ZSCAN32: variants seen among roughly 807,000 people sequenced by gnomAD.
ZSCAN32 encodes the protein zinc finger and SCAN domain-containing protein 32.
ZSCAN32 carries 52 observed loss-of-function variants against 47.4 expected under a neutral mutation model. The ratio of observed to expected loss-of-function variants is 1.10; its 90% CI spans 0.88 to 1.38. ZSCAN32 has a LOEUF of 1.38. ZSCAN32 is among the 40% of genes most tolerant of loss of function. ZSCAN32 has a pLI of 0.00. For synonymous variants in ZSCAN32, 346 were observed against 305.7 expected, an observed-to-expected ratio of 1.13 and a Z score of -1.38; for missense variants, 959 against 846.0, an observed-to-expected ratio of 1.13 and a Z score of -1.66.
chr16:3,398,124 G>A (rs746731167), intron 1 of ZSCAN32, among the ~76,000 whole-genome samples: 2 of 152,172 alleles, frequency 1.3e-5, no homozygotes. Flanking sequence ...AGGAGGATGA[G>A]AGGGGCCTGA....
chr16:3,393,223 T>A lies in ZSCAN32; in HGVS notation c.532+426A>T, dbSNP rs1329160081. On this transcript the variant is annotated intron_variant, in intron 3 of 6. Coordinates refer to ENST00000396852, the MANE Select transcript of ZSCAN32 (RefSeq NM_001284527.2). ...ATATTTATATTTATATATATATATA[T>A]ATATAAATTTATATATTTTATATAT... Among the ~76,000 whole-genome samples the A allele has an allele frequency of 7.8e-4, 20 of 25,620 alleles. 8 individuals are homozygous for A. Among genetic ancestry groups the A allele is most frequent in the African/African-American group, 5.6e-3 (16 of 2,848 alleles). 16.8% of individuals were successfully genotyped at this position (25,620 alleles called of 152,430 possible).
chr16:3,393,680 G>C lies in ZSCAN32; in HGVS notation c.501C>G (p.Ser167Arg). Residue 167 changes from serine to arginine, a missense_variant, in exon 3 of 7, where the codon AGC (serine) becomes AGG (arginine). Physicochemically the swap from Ser to Arg is moderately radical, Grantham distance 110. Transcript: ENST00000396852. ...ACTGTTCCCCTGGTCTTTGGTGTGA[G>C]CTCTGTGATCCCTTAAAAGTCGGTT... is the stretch of plus-strand genomic sequence containing the variant. Reference protein sequence around the residue: ...PEEPTFKGSQSSHQRPGEQSE... With the variant: ...PEEPTFKGSQRSHQRPGEQSE... 6.5e-7 allele frequency: 1 copy of C among 1,549,350 alleles called. No homozygotes were observed. Among genetic ancestry groups the C allele is most frequent in the Non-Finnish European group, 8.7e-7 (1 of 1,146,660 alleles).
Position 3,393,691 on chromosome 16 carries a change from C to T in ZSCAN32, c.490G>A (p.Gly164Arg). Residue 164 changes from glycine (G) to arginine (R), a missense_variant, in exon 3 of 7, where the codon GGA becomes AGA. By Grantham distance (125) the Gly-to-Arg change is moderately radical (BLOSUM62 -2). Coordinates refer to ENST00000396852, the MANE Select transcript of ZSCAN32 (RefSeq NM_001284527.2). ...GGTCTTTGGTGTGAGCTCTGTGATC[C>T]CTTAAAAGTCGGTTCCTCTGGCTGA... The part of the protein sequence containing the change: ...EVQPEEPTFK[G>R]SQSSHQRPGE... 6.5e-7 allele frequency: 1 copy of T among 1,549,876 alleles called. No individual in the cohort carries two copies. The highest frequency in any genetic ancestry group is 8.7e-7 in the Non-Finnish European group (1 of 1,146,808).
chr16:3,395,074 C>T lies in ZSCAN32; in HGVS notation c.367-1260G>A, dbSNP rs141692901. Among the ~76,000 whole-genome samples the T allele has an allele frequency of 8.5e-4, 130 of 152,330 alleles. 2 individuals are homozygous for T. In the East Asian group the frequency reaches 0.025, roughly 29 times the overall value. On this transcript the variant is annotated intron_variant, in intron 2 of 6. Transcript: ENST00000396852. ...CCGCGGGCTCCAGCAGGCCAGGGGC[C>T]GTGCCTGTCCTGTTCACTGTAAAAT...
chr16:3,397,330 G>C lies in ZSCAN32; in HGVS notation c.228C>G (p.Ile76Met). Residue 76 changes from isoleucine (I) to methionine (M), a missense_variant, in exon 2 of 7, where the codon ATC becomes ATG. Transcript: ENST00000396852. The part of the protein sequence containing the change: ...LRPKTHSKEE[I>M]LELLVLEQFL... ...ACTGCTCCAAAACCAGCAGCTCCAG[G>C]ATTTCCTCTTTTGAGTGGGTCTTCG... The C allele has an allele frequency of 2.6e-6, 4 of 1,566,530 alleles. No individual in the cohort carries two copies. Among genetic ancestry groups the C allele is most frequent in the East Asian group, 2.4e-5 (1 of 42,490 alleles).
At chr16:3,400,695 C>G (rs1250571284) in intron 1 of ZSCAN32, among the ~76,000 whole-genome samples, 1 of 152,194 alleles carries the variant, frequency 6.6e-6, no homozygotes, top group African/African-American at 2.4e-5. Flanking sequence ...ACGAGATGAG[C>G]AGGGTCAAGG....
intron 2 of ZSCAN32, among the ~76,000 whole-genome samples, chr16:3,394,923 C>T (rs2033223065): frequency 6.6e-6 from 1 of 152,194 alleles, no homozygotes; most frequent in Non-Finnish European, 1.5e-5. Context: ...CAGAGAAGTC[C>T]TGCCTCACAG....
rs751289714 is a variant in ZSCAN32 at position 3,383,637 on chromosome 16, C to A, written c.1309G>T (p.Ala437Ser). The change falls in exon 7 of 7, where the codon GCT becomes TCT. Residue 437 changes from alanine to serine, a missense_variant. By Grantham distance (99) the Ala-to-Ser change is moderately conservative. Coordinates refer to ENST00000396852, the MANE Select transcript of ZSCAN32 (RefSeq NM_001284527.2). The part of the protein sequence containing the change: ...DDSEEVEINK[A>S]LQRKSRGVYW... ...ACTCCTCTGGACTTTCTCTGTAAAG[C>A]CTTGTTTATTTCTACTTCCTCTGAA... The A allele has an allele frequency of 1.2e-5, 20 of 1,612,506 alleles. No individual in the cohort carries two copies. Among genetic ancestry groups the A allele is most frequent in the Non-Finnish European group, 1.7e-5 (20 of 1,179,996 alleles).
At chr16:3,392,706 G>C (rs1363851847) in intron 3 of ZSCAN32, among the ~76,000 whole-genome samples, 1 of 151,878 alleles carries the variant, frequency 6.6e-6, no homozygotes, top group Non-Finnish European at 1.5e-5. Flanking sequence ...GGGTGCTTTA[G>C]TCCCAGCTAC....
Position 3,397,621 on chromosome 16 carries a change from C to A in ZSCAN32, c.-64G>T. On this transcript the variant is annotated 5_prime_UTR_variant, in exon 2 of 7. The change creates a premature stop within an existing upstream ORF in the 5' untranslated region. Transcript: ENST00000396852. ...ACCCTGGAGATCAGAGTCCATCTTT[C>A]CCACATCACTGGGAAGCCATGTTCT... The A allele has an allele frequency of 1.4e-6, 2 of 1,452,288 alleles. No individual in the cohort carries two copies. Among genetic ancestry groups the A allele is most frequent in the Non-Finnish European group, 1.8e-6 (2 of 1,101,058 alleles). 90.0% of individuals were successfully genotyped at this position (1,452,288 alleles called of 1,614,324 possible). A position where few individuals can be genotyped will look rare whatever the true frequency, so the allele number is the denominator to read the frequency against.
chr16:3,397,722 A>C lies in ZSCAN32; in HGVS notation c.-165T>G. On this transcript the variant is annotated 5_prime_UTR_variant, in exon 2 of 7. Coordinates refer to ENST00000396852, the MANE Select transcript of ZSCAN32 (RefSeq NM_001284527.2). ...TGTGTAGAGACTCACAGCGGAAAAA[A>C]AGGGCTCAACTTTGAAGGATGTCTG... is the stretch of plus-strand genomic sequence containing the variant. The C allele has an allele frequency of 1.1e-6, 1 of 875,858 alleles. No homozygotes were observed. The highest frequency in any genetic ancestry group is 1.7e-6 in the Non-Finnish European group (1 of 600,696). The allele number at this position is 875,858 out of a possible 1,614,324, so 54.3% of individuals were successfully genotyped here.
intron 5 of ZSCAN32, among the ~76,000 whole-genome samples, chr16:3,389,193 G>A (rs563596799): frequency 6.6e-6 from 1 of 152,312 alleles, no homozygotes; most frequent in East Asian, 1.9e-4. Context: ...GATGAAGCCA[G>A]GAAACTGGGA....
chr16:3,394,490 C>G (rs1194861250), intron 2 of ZSCAN32, among the ~76,000 whole-genome samples: 1 of 152,148 alleles, frequency 6.6e-6, no homozygotes, highest in Non-Finnish European at 1.5e-5. Flanking sequence ...CATTGGTCCT[C>G]TCTCTTCACC....
At position 3,382,381 on chromosome 16, in the gene ZSCAN32, C is replaced by G. The variant is rs2031325101; in HGVS notation, c.*471G>C. On this transcript the variant is annotated 3_prime_UTR_variant, in exon 7 of 7. Coordinates refer to ENST00000396852, the MANE Select transcript of ZSCAN32 (RefSeq NM_001284527.2). ...TTGGTGGTGGCTGGGTTACAAAGAG[C>G]AGTGTCTTCTGCCCTGAAGGTAGCA... The G allele has an allele frequency of 1.3e-5, 2 of 152,800 alleles. No individual in the cohort carries two copies. The highest frequency in any genetic ancestry group is 6.5e-5 in the Admixed American group (1 of 15,296). 9.5% of individuals were successfully genotyped at this position (152,800 alleles called of 1,614,324 possible).
intron 5 of ZSCAN32, among the ~76,000 whole-genome samples, chr16:3,389,247 A>G (rs2150883529): frequency 6.6e-6 from 1 of 152,232 alleles, no homozygotes; most frequent in African/African-American, 2.4e-5. Flanking sequence ...CAGAGCAGGG[A>G]AAAACCACAC....
At chr16:3,389,212 C>G (rs565246246) in intron 5 of ZSCAN32, among the ~76,000 whole-genome samples, 1 of 152,128 alleles carries the variant, frequency 6.6e-6, no homozygotes, top group East Asian at 1.9e-4. Flanking sequence ...GAGTTCCTGG[C>G]AAAGGAGGGG....
Position 3,383,063 on chromosome 16 carries a change from G to T in ZSCAN32, c.1883C>A (p.Thr628Asn), listed in dbSNP as rs761844957. ...SQFSAHRRIH[T>N]GESPYKCAVC... ...TGCACACTTGTATGGGCTCTCCCCA[G>T]TGTGGATGCGCCGGTGAGCACTGAA... is the stretch of plus-strand genomic sequence containing the variant. Residue 628 changes from threonine (T) to asparagine (N), a missense_variant, in exon 7 of 7, where the codon ACT becomes AAT. Transcript: ENST00000396852. 34 of 1,614,100 alleles carry T rather than the reference G, an allele frequency of 2.1e-5. No homozygotes were observed. Among genetic ancestry groups the T allele is most frequent in the Non-Finnish European group, 2.7e-5 (32 of 1,180,030 alleles).
chr16:3,394,432 C>T (rs1484595244), intron 2 of ZSCAN32, among the ~76,000 whole-genome samples: 1 of 152,138 alleles, frequency 6.6e-6, no homozygotes, highest in Non-Finnish European at 1.5e-5. Flanking sequence ...AGGCCATTTC[C>T]TCTGCCCCCC....
chr16:3,393,038 T>C (rs1283718909), intron 3 of ZSCAN32, among the ~76,000 whole-genome samples: 2 of 147,386 alleles, frequency 1.4e-5, no homozygotes, highest in Admixed American at 7.0e-5. Flanking sequence ...CCTGATTCTT[T>C]AGTAACAGAA....
Sources: gnomAD v4.1 joint callset for allele counts (sites outside exome capture counted in the v4.1 genomes callset) on GRCh38, gnomAD v4.1.1 for gene constraint, MANE v1.5 for transcripts, NCBI Gene and HGNC (gene_info 2026-07-23, HGNC 2026-07-21) for gene names.